Variants in MCF2L observed in about 807,000 individuals in gnomAD.
The protein encoded by MCF2L is guanine nucleotide exchange factor DBS.
MCF2L carries 97 observed loss-of-function variants against 153.4 expected under a neutral mutation model. The ratio of observed to expected loss-of-function variants is 0.63; its 90% CI spans 0.54 to 0.75. MCF2L has a LOEUF of 0.75. Ranked by LOEUF, MCF2L falls within the 30% of genes least tolerant of loss-of-function variation. MCF2L has a pLI of 0.00. For missense variants in MCF2L, 1,347 were observed against 1,495.2 expected (o/e 0.90, Z 1.64); for synonymous variants, 659 against 632.2 (o/e 1.04, Z -0.64).
At chr13:112,906,229 T>G (rs2081171727) in intron 2 of MCF2L, among the ~76,000 whole-genome samples, 1 of 152,216 alleles carries the variant, frequency 6.6e-6, no homozygotes, top group African/African-American at 2.4e-5. Context: ...TGTTTCACAG[T>G]CAGCTATGGA....
chr13:112,968,311 G>A, upstream of MCF2L: 2 of 552,564 alleles, frequency 3.6e-6, no homozygotes, highest in Non-Finnish European at 4.6e-6. Flanking sequence ...ACCACAAAAG[G>A]ATAGCTGCGG....
intron 1 of MCF2L, among the ~76,000 whole-genome samples, chr13:112,996,971 A>C (rs1176659389): frequency 6.6e-6 from 1 of 152,130 alleles, no homozygotes; most frequent in African/African-American, 2.4e-5. Flanking sequence ...CGCCCTCGCT[A>C]TCTCAGGTGT....
rs1172257319 is a variant in MCF2L, at chr13:113,028,929, GGT to G, written c.278+4179_278+4180del. Among the ~76,000 whole-genome samples, 1 of 150,614 alleles carries G rather than the reference GGT, an allele frequency of 6.6e-6. No individual in the cohort carries two copies. The highest frequency in any genetic ancestry group is 2.4e-5 in the African/African-American group (1 of 40,834). ...AGCATGTGGCATGTGTGGGGTAAGT[GGT>G]GTGTGTGGTATGTGTGGACTATGTG... is the stretch of plus-strand genomic sequence containing the variant. On this transcript the variant is annotated intron_variant, in intron 3 of 29. Transcript: ENST00000535094. The surrounding 1 kb of genome is among the most constrained non-coding windows in gnomAD (Gnocchi z 5.4).
At position 113,064,618 on chromosome 13, in the gene MCF2L, C is replaced by T. The variant is rs1218806923; in HGVS notation, c.606+198C>T. 105 of 544,440 alleles carry T rather than the reference C, an allele frequency of 1.9e-4. 1 individual carries two copies. The highest frequency in any genetic ancestry group is 2.8e-4 in the Non-Finnish European group (87 of 307,972). The allele number at this position is 544,440 out of a possible 1,614,324, so 33.7% of individuals were successfully genotyped here. A position where few individuals can be genotyped will look rare whatever the true frequency, so the allele number is the denominator to read the frequency against. On this transcript the variant is annotated intron_variant, in intron 6 of 29. Transcript: ENST00000535094. The surrounding 1 kb of genome is among the most constrained non-coding windows in gnomAD (Gnocchi z 6.0). ...ACGTGAGTCATAAGTTTGGGAGTGGCTTTCTCTGGGCTTGGAGACCAAAAA... is the reference window on the plus strand; with the variant it reads ...ACGTGAGTCATAAGTTTGGGAGTGGTTTTCTCTGGGCTTGGAGACCAAAAA...
chr13:112,973,797 G>A (rs941952837), intron 1 of MCF2L, among the ~76,000 whole-genome samples: 1 of 152,216 alleles, frequency 6.6e-6, no homozygotes, highest in Non-Finnish European at 1.5e-5. Flanking sequence ...GGCGCTGAGT[G>A]ACCACAGGCA....
At chr13:112,939,532 C>T (rs2081554629) in intron 2 of MCF2L, among the ~76,000 whole-genome samples, 1 of 152,214 alleles carries the variant, frequency 6.6e-6, no homozygotes, top group Non-Finnish European at 1.5e-5. Flanking sequence ...CCAGGGATGT[C>T]TTGTATTGCT....
intron 4 of MCF2L, chr13:113,052,460 C>G (rs1013525364): frequency 1.8e-5 from 3 of 165,540 alleles, no homozygotes; most frequent in African/African-American, 7.2e-5. Flanking sequence ...CTCTTCACTC[C>G]CCTGGATGCC....
At position 113,097,344 on chromosome 13, in the gene MCF2L, C is replaced by T. The variant is rs1028004382; in HGVS notation, c.*485C>T. 3 of 155,864 alleles carry T rather than the reference C, an allele frequency of 1.9e-5. No homozygotes were observed. The highest frequency in any genetic ancestry group is 2.4e-5 in the African/African-American group (1 of 41,578). 9.7% of individuals were successfully genotyped at this position (155,864 alleles called of 1,614,324 possible). ...GTGGTACTTTGGCCTCAATTCTTCACCAGGAATCACTGTGTTTACATGAAA... is the reference window on the plus strand; with the variant it reads ...GTGGTACTTTGGCCTCAATTCTTCATCAGGAATCACTGTGTTTACATGAAA... On this transcript the variant is annotated 3_prime_UTR_variant, in exon 30 of 30. Coordinates refer to ENST00000535094, the MANE Select transcript of MCF2L (RefSeq NM_001112732.3).
Position 112,983,074 on chromosome 13 carries a change from G to A in MCF2L, c.79+13616G>A, listed in dbSNP as rs1400852866. The stretch of plus-strand genomic sequence containing the variant: ...GTGTGGAAAGTGGTGGGGGCAGCCA[G>A]GCTGGTTCAGTGCAAGGCCTGAGGT... On this transcript the variant is annotated intron_variant, in intron 1 of 29. Coordinates refer to ENST00000535094, the MANE Select transcript of MCF2L (RefSeq NM_001112732.3). This position sits in a 1 kb window ranked among gnomAD's most constrained non-coding sequence, Gnocchi z 4.0. Among the ~76,000 whole-genome samples the A allele has an allele frequency of 6.6e-6, 1 of 152,028 alleles. No individual in the cohort carries two copies. The highest frequency in any genetic ancestry group is 1.5e-5 in the Non-Finnish European group (1 of 67,992).
At chr13:113,077,433 T>C (rs987411496) in intron 13 of MCF2L, among the ~76,000 whole-genome samples, 3 of 152,210 alleles carry the variant, frequency 2.0e-5, no homozygotes, top group African/African-American at 7.2e-5. Context: ...ACGCCCATCC[T>C]GTGCCACGCA....
At chr13:113,017,747 A>G (rs1469854257) in intron 2 of MCF2L, among the ~76,000 whole-genome samples, 8 of 151,972 alleles carry the variant, frequency 5.3e-5, no homozygotes, top group Admixed American at 5.2e-4. Context: ...ACTGACCACC[A>G]TGGGGCTGGG....
At chr13:112,978,263 C>G (rs2082281090) in intron 1 of MCF2L, among the ~76,000 whole-genome samples, 1 of 152,242 alleles carries the variant, frequency 6.6e-6, no homozygotes, top group Non-Finnish European at 1.5e-5. Context: ...TCCCATCACC[C>G]TGCTTTCCTC....
At chr13:113,017,738 C>G (rs897103181) in intron 2 of MCF2L, among the ~76,000 whole-genome samples, 2 of 152,234 alleles carry the variant, frequency 1.3e-5, no homozygotes, top group Non-Finnish European at 2.9e-5. Context: ...CTCCTGCACA[C>G]TGACCACCAT....
intron 1 of MCF2L, among the ~76,000 whole-genome samples, chr13:112,982,109 A>C (rs1166916159): frequency 6.6e-6 from 1 of 152,118 alleles, no homozygotes; most frequent in Admixed American, 6.5e-5. Flanking sequence ...AGCAGAGAGC[A>C]TGGGGCCGAC....
At chr13:113,038,893 TG>T (rs967064712) in intron 3 of MCF2L, among the ~76,000 whole-genome samples, 2 of 152,236 alleles carry the variant, frequency 1.3e-5, no homozygotes, top group Non-Finnish European at 2.9e-5. Context: ...AGTCTCGCTG[TG>T]TCACCCAGGC....
At chr13:113,001,860 G>A in intron 1 of MCF2L, 1 of 1,548,406 alleles carries the variant, frequency 6.5e-7, no homozygotes, top group Non-Finnish European at 8.7e-7. Context: ...GTGTGCCCGG[G>A]AAGGGCGTTC....
intron 2 of MCF2L, among the ~76,000 whole-genome samples, chr13:112,963,007 GT>G (rs2081851202): frequency 6.6e-6 from 1 of 152,170 alleles, no homozygotes; most frequent in African/African-American, 2.4e-5. Context: ...GAAGGGGTGG[GT>G]CCCGTGGGTG....
chr13:112,979,403 T>A, intron 1 of MCF2L: 4 of 1,386,158 alleles, frequency 2.9e-6, no homozygotes, highest in East Asian at 2.9e-5. Context: ...AGGGCAGTGG[T>A]GGCTCGGGCC....
At chr13:112,968,147 G>GGGT (rs1243074613), upstream of MCF2L, among the ~76,000 whole-genome samples, 8 of 147,918 alleles carry the variant, frequency 5.4e-5, 2 homozygotes, top group Non-Finnish European at 1.2e-4. Flanking sequence ...TGAGGTGGGG[G>GGGT]GGGGGGTCTT....
Sources: gnomAD v4.1 joint callset for allele counts (sites outside exome capture counted in the v4.1 genomes callset) on GRCh38, gnomAD v4.1.1 for gene constraint, Gnocchi (gnomAD v3.1) non-coding constraint, MANE v1.5 for transcripts, NCBI Gene and HGNC (gene_info 2026-07-23, HGNC 2026-07-21) for gene names.